RTKN2: variants seen among roughly 807,000 people sequenced by gnomAD.
RTKN2 encodes the protein rhotekin-2.
RTKN2 carries 69 observed loss-of-function variants against 71.5 expected under a neutral mutation model. That is an observed-to-expected ratio of 0.96 (90% CI 0.79 to 1.18). RTKN2 has a LOEUF of 1.18. Ranked by LOEUF, RTKN2 falls within the 50% of genes most tolerant of loss-of-function variation. RTKN2 has a pLI of 0.00. For missense variants in RTKN2, 724 were observed against 719.7 expected (o/e 1.01, Z -0.07); for synonymous variants, 236 against 236.5 (o/e 1.00, Z 0.02).
At chr10:62,228,328 T>C (rs1842073868) in intron 6 of RTKN2, among the ~76,000 whole-genome samples, 1 of 152,160 alleles carries the variant, frequency 6.6e-6, no homozygotes, top group Admixed American at 6.6e-5. Flanking sequence ...ATAAAAATAG[T>C]ATTTCAAGGA....
At chr10:62,190,836 C>T (rs1564493932), downstream of RTKN2, among the ~76,000 whole-genome samples, 1 of 152,084 alleles carries the variant, frequency 6.6e-6, no homozygotes, top group Non-Finnish European at 1.5e-5. Flanking sequence ...TTATGTGGTC[C>T]AGCATATCCC....
chr10:62,249,193 G>C (rs1023031626), intron 2 of RTKN2, among the ~76,000 whole-genome samples: 1 of 152,118 alleles, frequency 6.6e-6, no homozygotes, highest in African/African-American at 2.4e-5. Context: ...GAGGATGAGA[G>C]AGTAGGATAA....
chr10:62,245,363 G>A (rs775239706), intron 3 of RTKN2, among the ~76,000 whole-genome samples: 6 of 152,118 alleles, frequency 3.9e-5, no homozygotes, highest in Admixed American at 6.6e-5. Context: ...AGAAGCATGG[G>A]TTATGTTGCC....
Position 62,197,640 on chromosome 10 carries a change from C to G in RTKN2, c.*268G>C. The G allele has an allele frequency of 8.1e-7, 1 of 1,233,046 alleles. No individual in the cohort carries two copies. Among genetic ancestry groups the G allele is most frequent in the South Asian group, 2.4e-5 (1 of 42,034 alleles). The allele number at this position is 1,233,046 out of a possible 1,614,324, so 76.4% of individuals were successfully genotyped here. ...GCTTATTCACTGCCTGGTACTAATTCAGGAATAAATTAACCCTTCCAACAA... is the reference window on the plus strand; with the variant it reads ...GCTTATTCACTGCCTGGTACTAATTGAGGAATAAATTAACCCTTCCAACAA... On this transcript the variant is annotated 3_prime_UTR_variant, in exon 12 of 12. Transcript: ENST00000373789.
At chr10:62,192,321 T>G (rs151276325), downstream of RTKN2, among the ~76,000 whole-genome samples, 5 of 152,226 alleles carry the variant, frequency 3.3e-5, no homozygotes, top group African/African-American at 1.2e-4. Context: ...TAAGCTGTAC[T>G]CACTCTCATT....
rs10740069 is a variant in RTKN2 at position 62,223,225 on chromosome 10, A to G, written c.781+13T>C. On this transcript the variant is annotated intron_variant, in intron 7 of 11. Transcript: ENST00000373789. ...AGAATATATGTAATAAGTAAAATAT[A>G]TACTGTACTTACCATTTCCATTAAT... 0.76 allele frequency: 1,083,534 copies of G among 1,433,746 alleles called. 412,011 individuals carry two copies. Among genetic ancestry groups the G allele is most frequent in the East Asian group, 0.9 (39,758 of 43,954 alleles). The allele number at this position is 1,433,746 out of a possible 1,614,324, so 88.8% of individuals were successfully genotyped here. A position where few individuals can be genotyped will look rare whatever the true frequency, so the allele number is the denominator to read the frequency against.
chr10:62,190,213 G>C (rs1249096593), downstream of RTKN2, among the ~76,000 whole-genome samples: 1 of 152,172 alleles, frequency 6.6e-6, no homozygotes, highest in Non-Finnish European at 1.5e-5. Flanking sequence ...GGGGAAAAAA[G>C]AGTTTGGAGG....
At chr10:62,217,412 C>A (rs1012743106) in intron 8 of RTKN2, among the ~76,000 whole-genome samples, 163 bp from the exon 9 acceptor site, 1 of 151,946 alleles carries the variant, frequency 6.6e-6, no homozygotes, top group Non-Finnish European at 1.5e-5. Flanking sequence ...GCCCCAAATC[C>A]AAGAGTATGT....
intron 2 of RTKN2, among the ~76,000 whole-genome samples, chr10:62,251,356 G>T (rs1842578009): frequency 1.3e-5 from 2 of 152,140 alleles, no homozygotes; most frequent in Non-Finnish European, 1.5e-5. Context: ...TATCATAGGG[G>T]TGTATGTATA....
At chr10:62,240,231 A>G (rs1842345870) in intron 4 of RTKN2, among the ~76,000 whole-genome samples, 1 of 137,986 alleles carries the variant, frequency 7.2e-6, no homozygotes. Context: ...CCACCAAACT[A>G]ACAGCAAGGG....
intron 9 of RTKN2, among the ~76,000 whole-genome samples, chr10:62,205,817 T>C (rs565954418): frequency 6.6e-6 from 1 of 152,208 alleles, no homozygotes; most frequent in African/African-American, 2.4e-5. Flanking sequence ...CCATGCCACA[T>C]GGTAAGCTGG....
At chr10:62,241,995 G>A (rs911912273) in intron 3 of RTKN2, among the ~76,000 whole-genome samples, 18 of 149,240 alleles carry the variant, frequency 1.2e-4, no homozygotes, top group Middle Eastern at 3.2e-3. Context: ...CACTGTGCCT[G>A]GCTGCCTAAT....
intron 2 of RTKN2, among the ~76,000 whole-genome samples, chr10:62,261,846 G>A (rs1842780221): frequency 6.6e-6 from 1 of 151,974 alleles, no homozygotes. Context: ...AGTCACTATT[G>A]TCTAACAAGA....
intron 7 of RTKN2, among the ~76,000 whole-genome samples, chr10:62,221,654 G>A (rs965794313): frequency 4.6e-5 from 7 of 151,992 alleles, no homozygotes; most frequent in African/African-American, 1.4e-4. Context: ...ACTATGGGTC[G>A]AAAAATCCAC....
chr10:62,226,910 A>G (rs560690409), intron 6 of RTKN2, among the ~76,000 whole-genome samples: 106 of 152,320 alleles, frequency 7.0e-4, no homozygotes, highest in African/African-American at 2.4e-3. Context: ...GCAGTGAGCC[A>G]AGATCGTGCC....
intron 9 of RTKN2, among the ~76,000 whole-genome samples, chr10:62,205,570 G>A (rs1013251399): frequency 6.6e-6 from 1 of 151,996 alleles, no homozygotes; most frequent in African/African-American, 2.4e-5. Context: ...TATTTTGTAC[G>A]TAACGTTCAT....
chr10:62,228,672 T>C (rs1038647840), intron 6 of RTKN2, among the ~76,000 whole-genome samples: 1 of 151,948 alleles, frequency 6.6e-6, no homozygotes, highest in Non-Finnish European at 1.5e-5. Flanking sequence ...GTAGGATAGG[T>C]GGGGAGGAAA....
Position 62,197,152 on chromosome 10 carries a change from A to G in RTKN2, c.*756T>C, listed in dbSNP as rs1841347090. ...TCAGCTACTCACTTCCCTAAATTCC[A>G]AAGTCACAATGGAAATTAGCACCAC... On this transcript the variant is annotated 3_prime_UTR_variant, in exon 12 of 12. Coordinates refer to ENST00000373789, the MANE Select transcript of RTKN2 (RefSeq NM_145307.4). The G allele has an allele frequency of 1.0e-6, 1 of 985,452 alleles. No individual in the cohort carries two copies. Among genetic ancestry groups the G allele is most frequent in the Admixed American group, 6.2e-5 (1 of 16,258 alleles). 61.0% of individuals were successfully genotyped at this position (985,452 alleles called of 1,614,324 possible). A position where few individuals can be genotyped will look rare whatever the true frequency, so the allele number is the denominator to read the frequency against.
In RTKN2 at chr10:62,195,863, G is replaced by C. The variant is rs1441545839; in HGVS notation, c.*2045C>G. ...GCTTTTAAATGGTTCTAGGTAAAAA[G>C]GGCTTCAGTCCTGTTTCAAAGTTCT... On this transcript the variant is annotated 3_prime_UTR_variant, in exon 12 of 12. Coordinates refer to ENST00000373789, the MANE Select transcript of RTKN2 (RefSeq NM_145307.4). The C allele has an allele frequency of 4.1e-6, 4 of 985,212 alleles. No homozygotes were observed. In the African/African-American group the frequency reaches 7.0e-5, roughly 17 times the overall value. The allele number at this position is 985,212 out of a possible 1,614,324, so 61.0% of individuals were successfully genotyped here.
Sources: allele counts gnomAD v4.1 joint callset (sites outside exome capture counted in the v4.1 genomes callset), GRCh38; gene constraint gnomAD v4.1.1; transcripts MANE v1.5; gene names NCBI Gene and HGNC (gene_info 2026-07-23, HGNC 2026-07-21).